BCCIP: variants seen among roughly 807,000 people sequenced by gnomAD.
BCCIP encodes BRCA2 and CDKN1A-interacting protein.
A neutral mutation model predicts 32.8 loss-of-function variants in BCCIP; 23 were observed. That is an observed-to-expected ratio of 0.70 (90% CI 0.51 to 0.99). BCCIP has a LOEUF of 0.99. Among genes scored for constraint, BCCIP ranks in the 50% least tolerant of loss-of-function variants. BCCIP has a pLI of 0.00. For missense variants in BCCIP, 378 were observed against 379.8 expected (o/e 1.00, Z 0.04); for synonymous variants, 144 against 137.6 (o/e 1.05, Z -0.33).
At chr10:125,825,001 C>T (rs975761973) in intron 1 of BCCIP, among the ~76,000 whole-genome samples, 6 of 152,258 alleles carry the variant, frequency 3.9e-5, no homozygotes, top group Admixed American at 3.9e-4. Context: ...TGTGATCAAT[C>T]TTCCTTCCCT....
chr10:125,841,267 C>A (rs1268206388), downstream of BCCIP: 2 of 1,614,030 alleles, frequency 1.2e-6, no homozygotes, highest in Non-Finnish European at 1.7e-6. Flanking sequence ...GCAGGGAAAA[C>A]CTGAGGTGCT....
chr10:125,841,481 A>G, downstream of BCCIP: 1 of 1,462,876 alleles, frequency 6.8e-7, no homozygotes, highest in Non-Finnish European at 9.0e-7. Flanking sequence ...TTATTTCAGC[A>G]AAAGAAATCT....
intron 2 of BCCIP, among the ~76,000 whole-genome samples, chr10:125,827,050 T>G (rs932127486): frequency 1.2e-4 from 18 of 150,142 alleles, no homozygotes; most frequent in African/African-American, 4.4e-4. Context: ...GTTCATCTTT[T>G]TAGAATTTCC....
At chr10:125,852,905 G>C (rs558546654) in intron 7 of BCCIP, among the ~76,000 whole-genome samples, 2 of 152,290 alleles carry the variant, frequency 1.3e-5, no homozygotes, top group Admixed American at 6.5e-5. Flanking sequence ...TGAAATACTA[G>C]CACTGTCACT....
At chr10:125,838,124 G>T, downstream of BCCIP, 1 of 1,377,018 alleles carries the variant, frequency 7.3e-7, no homozygotes. Context: ...TTAGAACTAA[G>T]AATAAAAGCC....
intron 7 of BCCIP, among the ~76,000 whole-genome samples, chr10:125,848,348 A>G (rs1944050082): frequency 6.6e-6 from 1 of 152,192 alleles, no homozygotes; most frequent in African/African-American, 2.4e-5. Flanking sequence ...TACACTGTAC[A>G]TGGCAATTTT....
At chr10:125,852,723 C>T (rs935385456) in intron 7 of BCCIP, 51 of 1,270,686 alleles carry the variant, frequency 4.0e-5, no homozygotes, top group African/African-American at 3.6e-4. Flanking sequence ...GAATATGCTG[C>T]GCAGTACTTT....
At position 125,831,501 on chromosome 10, in the gene BCCIP, C is replaced by G; in HGVS notation, c.493C>G (p.Leu165Val). The change falls in exon 5 of 7, where the codon CTG (leucine) becomes GTG (valine). Residue 165 changes from leucine to valine, a missense_variant. Physicochemically the swap from Leu to Val is conservative, Grantham distance 32 (BLOSUM62 1). Transcript: ENST00000278100. ...CTGTGAAAAGAGCATGGTTGAACAG[C>G]TGGACAAGTTTTTAAATGACACCAC... Reference protein sequence around the residue: ...KNCEKSMVEQLDKFLNDTTKP... With the variant: ...KNCEKSMVEQVDKFLNDTTKP... The G allele has an allele frequency of 6.2e-7, 1 of 1,614,162 alleles. No homozygotes were observed. Among genetic ancestry groups the G allele is most frequent in the Non-Finnish European group, 8.5e-7 (1 of 1,180,020 alleles).
At chr10:125,839,124 A>T (rs1433560155), downstream of BCCIP, 1 of 1,614,116 alleles carries the variant, frequency 6.2e-7, no homozygotes, top group Non-Finnish European at 8.5e-7. Flanking sequence ...CAGCTCGAAT[A>T]ACATCTGCCA....
At chr10:125,834,695 C>T (rs1317785356) in intron 6 of BCCIP, among the ~76,000 whole-genome samples, 1 of 151,932 alleles carries the variant, frequency 6.6e-6, no homozygotes, top group Non-Finnish European at 1.5e-5. Context: ...CCTGTAATCC[C>T]AGCTACTCGG....
chr10:125,846,570 A>G (rs1364699894), downstream of BCCIP, among the ~76,000 whole-genome samples: 1 of 152,208 alleles, frequency 6.6e-6, no homozygotes, highest in Non-Finnish European at 1.5e-5. Flanking sequence ...CCCTTCTAGC[A>G]TGGATGGTCT....
rs1164888367 is a variant in BCCIP at position 125,835,093 on chromosome 10, A to C, written c.775-1011A>C. ...GCTTGCAGTGAGCCGAGATTGCGCC[A>C]CTGCACTCCAGCCTGGGCGACAGAG... On this transcript the variant is annotated intron_variant, in intron 6 of 6. Coordinates refer to ENST00000278100, the MANE Select transcript of BCCIP (RefSeq NM_078468.3). 5.9e-5 allele frequency among the ~76,000 whole-genome samples: 9 copies of C among 151,874 alleles called. No homozygotes were observed. The East Asian group carries it at 1.4e-3, about 23-fold the overall frequency.
At chr10:125,853,667 A>C (rs1315589794) in exon 8 of BCCIP, 1 of 298,302 alleles carries the variant, frequency 3.4e-6, no homozygotes, top group Non-Finnish European at 6.1e-6. Flanking sequence ...CTAAAGAAAA[A>C]ATACTATTAA....
chr10:125,836,371 T>C lies in BCCIP; in HGVS notation c.*97T>C. On this transcript the variant is annotated 3_prime_UTR_variant, in exon 7 of 7. Coordinates refer to ENST00000278100, the MANE Select transcript of BCCIP (RefSeq NM_078468.3). ...AAACTCAGACTTTATTCAGATTAAGTTCCTCTACAAAAAGTAGGGTTCTGT... is the reference window on the plus strand; with the variant it reads ...AAACTCAGACTTTATTCAGATTAAGCTCCTCTACAAAAAGTAGGGTTCTGT... 6.3e-7 allele frequency: 1 copy of C among 1,575,030 alleles called. No homozygotes were observed. Among genetic ancestry groups the C allele is most frequent in the East Asian group, 2.3e-5 (1 of 44,100 alleles).
rs117857561 is a variant in BCCIP at position 125,848,069 on chromosome 10, T to C, written c.851-5056T>C. Among the ~76,000 whole-genome samples the C allele has an allele frequency of 3.3e-5, 5 of 152,300 alleles. No homozygotes were observed. The East Asian group carries it at 5.8e-4, about 18-fold the overall frequency. ...AAATGGACAGAGAAAAATGCAGTTATCACTTAGGAGGGCTGAAGGAGCAAA... is the reference window on the plus strand; with the variant it reads ...AAATGGACAGAGAAAAATGCAGTTACCACTTAGGAGGGCTGAAGGAGCAAA... On this transcript the variant is annotated intron_variant, in intron 7 of 7. Coordinates refer to the BCCIP transcript ENST00000368759.
At chr10:125,845,093 G>A (rs543895550), downstream of BCCIP, among the ~76,000 whole-genome samples, 44 of 152,316 alleles carry the variant, frequency 2.9e-4, no homozygotes, top group African/African-American at 1.0e-3. Flanking sequence ...AGGAGGAGCC[G>A]ATGCAGCGCT....
Position 125,836,448 on chromosome 10 carries a change from C to G in BCCIP, c.*174C>G. On this transcript the variant is annotated 3_prime_UTR_variant, in exon 7 of 7. Coordinates refer to ENST00000278100, the MANE Select transcript of BCCIP (RefSeq NM_078468.3). ...AATACCAGTTTTTTAAAATTTTGGTCAAATTATGAGTGGTTGATTTAAAAA... is the reference window on the plus strand; with the variant it reads ...AATACCAGTTTTTTAAAATTTTGGTGAAATTATGAGTGGTTGATTTAAAAA... 1.4e-6 allele frequency: 2 copies of G among 1,421,466 alleles called. No individual in the cohort carries two copies. Among genetic ancestry groups the G allele is most frequent in the South Asian group, 1.6e-5 (1 of 60,846 alleles). 88.1% of individuals were successfully genotyped at this position (1,421,466 alleles called of 1,614,324 possible). A position where few individuals can be genotyped will look rare whatever the true frequency, so the allele number is the denominator to read the frequency against.
intron 2 of BCCIP, 59 bp downstream of exon 2, chr10:125,826,724 G>A: frequency 6.3e-7 from 1 of 1,596,068 alleles, no homozygotes; most frequent in Non-Finnish European, 8.5e-7. Flanking sequence ...CAGGGGCCGG[G>A]TGCAGTGGTT....
intron 7 of BCCIP, chr10:125,852,233 A>G: frequency 6.3e-7 from 1 of 1,586,060 alleles, no homozygotes; most frequent in Non-Finnish European, 8.6e-7. Flanking sequence ...AGGACAGAGA[A>G]TGGGCAGGAG....
Sources: allele counts gnomAD v4.1 joint callset (sites outside exome capture counted in the v4.1 genomes callset), GRCh38; gene constraint gnomAD v4.1.1; transcripts MANE v1.5; gene names NCBI Gene and HGNC (gene_info 2026-07-23, HGNC 2026-07-21).